The following CDH23 variants were observed in gnomAD, a reference collection of about 807,000 sequenced individuals.
The protein encoded by CDH23 is cadherin-23.
Under a neutral mutation model 317.1 loss-of-function variants are expected in CDH23, and 189 were observed. The ratio of observed to expected loss-of-function variants is 0.60; its 90% CI spans 0.53 to 0.67. The LOEUF is 0.67. Ranked by LOEUF, CDH23 falls within the 30% of genes least tolerant of loss-of-function variation. The pLI is 0.00. For synonymous variants in CDH23, 1,839 were observed against 1,876.8 expected, an observed-to-expected ratio of 0.98 and a Z score of 0.52; for missense variants, 4,401 against 4,592.4, an observed-to-expected ratio of 0.96 and a Z score of 1.20.
At chr10:71,493,303 G>C (rs1852770035) in intron 3 of CDH23, among the ~76,000 whole-genome samples, 1 of 152,138 alleles carries the variant, frequency 6.6e-6, no homozygotes, top group Non-Finnish European at 1.5e-5. Flanking sequence ...CCACCCATGA[G>C]GTGGTGACTT....
At chr10:71,469,216 C>T (rs1229532736) in intron 3 of CDH23, among the ~76,000 whole-genome samples, 1 of 152,210 alleles carries the variant, frequency 6.6e-6, no homozygotes, top group Non-Finnish European at 1.5e-5. Flanking sequence ...AGGCACACGC[C>T]CTTGAAACCA....
In CDH23 at chr10:71,815,176, T is replaced by C. The variant is rs1333646552; in HGVS notation, c.9963T>C (p.Thr3321=). ...AGACGCTGACCGCTGCCGAGGCCAC[T>C]GCCTTCGAGCGCAACGCCCGCACAG... ...SLETLTAAEA[T]AFERNARTES... Residue 3321 remains threonine, a synonymous_variant, in exon 70 of 70, where the codon ACT becomes ACC. Coordinates refer to ENST00000224721, the MANE Select transcript of CDH23 (RefSeq NM_022124.6). The C allele has an allele frequency of 1.2e-6, 2 of 1,611,214 alleles. No individual in the cohort carries two copies. The highest frequency in any genetic ancestry group is 2.2e-5 in the East Asian group (1 of 44,834).
At position 71,448,669 on chromosome 10, in the gene CDH23, C is replaced by T. The variant is rs72642230; in HGVS notation, c.145+2274C>T. Among the ~76,000 whole-genome samples, 1,758 of 152,314 alleles carry T rather than the reference C, an allele frequency of 0.012. 80 individuals are homozygous for T. In the East Asian group the frequency reaches 0.12, roughly 10 times the overall value. Reference sequence around the variant, plus strand: ...ACTGCACCTCTCTGGGCCTCTATCTCCTCATTTCAACAATGAGTGGGCATT... The same window carrying T: ...ACTGCACCTCTCTGGGCCTCTATCTTCTCATTTCAACAATGAGTGGGCATT... On this transcript the variant is annotated intron_variant, in intron 3 of 69. Transcript: ENST00000224721.
chr10:71,785,552 C>A, intron 43 of CDH23, 79 bp from the exon 44 acceptor site: 1 of 939,716 alleles, frequency 1.1e-6, no homozygotes, highest in Non-Finnish European at 1.7e-6. Flanking sequence ...GGAGGCCAAG[C>A]AGAGCAGTTG....
At chr10:71,456,181 C>T (rs2132047854) in intron 3 of CDH23, among the ~76,000 whole-genome samples, 1 of 149,756 alleles carries the variant, frequency 6.7e-6, no homozygotes, top group South Asian at 2.2e-4. Context: ...GGCAAGTGGG[C>T]TGTGGTTTTG....
At chr10:71,715,997 G>A (rs1866205484) in intron 28 of CDH23, 1 of 1,497,722 alleles carries the variant, frequency 6.7e-7, no homozygotes, top group South Asian at 1.3e-5. Flanking sequence ...GCCCGGCAGG[G>A]GCTGTCGAGG....
chr10:71,568,777 A>T (rs759916985), intron 7 of CDH23, among the ~76,000 whole-genome samples: 3 of 152,188 alleles, frequency 2.0e-5, no homozygotes, highest in Non-Finnish European at 4.4e-5. Flanking sequence ...AAATTGAGGC[A>T]TCCTCTGGGA....
Position 71,448,553 on chromosome 10 carries a change from T to G in CDH23, c.145+2158T>G, listed in dbSNP as rs185247433. Among the ~76,000 whole-genome samples the G allele has an allele frequency of 7.3e-4, 111 of 152,342 alleles. 2 individuals are homozygous for G. The highest frequency in any genetic ancestry group is 2.5e-3 in the African/African-American group (103 of 41,582). ...CTCAGCGCCCTCCCAGCCTCTTCTC[T>G]TCTTTTTGCATCAGTATGGGAACAG... On this transcript the variant is annotated intron_variant, in intron 3 of 69. Transcript: ENST00000224721.
rs369606279 is a variant in CDH23, at chr10:71,690,587, G to T, written c.2176+3G>T. On this transcript the variant is annotated splice_donor_region_variant and intron_variant, in intron 20 of 69. Coordinates refer to ENST00000224721, the MANE Select transcript of CDH23 (RefSeq NM_022124.6). ...GTTTCGGATCAATGCCCGCTCAGGT[G>T]AGCCCCCCCACCCCAAGTACCCTGG... 2 of 1,579,790 alleles carry T rather than the reference G, an allele frequency of 1.3e-6. No individual in the cohort carries two copies. The highest frequency in any genetic ancestry group is 3.5e-5 in the Admixed American group (2 of 56,820).
intron 6 of CDH23, among the ~76,000 whole-genome samples, chr10:71,555,325 C>A (rs974043154): frequency 2.0e-5 from 3 of 152,162 alleles, no homozygotes; most frequent in African/African-American, 7.2e-5. Context: ...TCACCACGGC[C>A]CTCCCTGTTC....
At chr10:71,675,047 T>C (rs1589320162) in intron 14 of CDH23, 65 bp from the exon 15 acceptor site, 1 of 1,454,232 alleles carries the variant, frequency 6.9e-7, no homozygotes, top group East Asian at 2.3e-5. Context: ...GGAACATGGG[T>C]TTCCTGTGGA....
chr10:71,754,581 C>T (rs1022187165), intron 38 of CDH23, among the ~76,000 whole-genome samples: 8 of 152,166 alleles, frequency 5.3e-5, no homozygotes, highest in African/African-American at 1.9e-4. Context: ...GTCACCTGGC[C>T]AGGGTGGGAG....
chr10:71,476,647 T>C (rs16928920), intron 3 of CDH23, among the ~76,000 whole-genome samples: 4,706 of 152,264 alleles, frequency 0.031, 260 homozygotes, highest in African/African-American at 0.11. Context: ...TTTGTACTTT[T>C]GATTTCAAGT....
intron 20 of CDH23, among the ~76,000 whole-genome samples, chr10:71,692,789 A>G (rs1454847938): frequency 6.6e-6 from 1 of 152,204 alleles, no homozygotes; most frequent in Admixed American, 6.5e-5. Flanking sequence ...AAGTTAAGCG[A>G]CTTGGCCCAG....
At chr10:71,404,858 C>G (rs1183747206) in intron 1 of CDH23, among the ~76,000 whole-genome samples, 2 of 152,214 alleles carry the variant, frequency 1.3e-5, no homozygotes, top group Non-Finnish European at 2.9e-5. Context: ...AGGCCATGCT[C>G]CATTTGGAGA....
At chr10:71,622,166 A>C (rs1861494127) in intron 11 of CDH23, among the ~76,000 whole-genome samples, 1 of 151,972 alleles carries the variant, frequency 6.6e-6, no homozygotes, top group Admixed American at 6.6e-5. Context: ...TGTTCTGGGG[A>C]GCCACGGTGA....
In CDH23 at chr10:71,644,012, G is replaced by A. The variant is rs1221382113; in HGVS notation, c.1140+146G>A. 5 of 643,808 alleles carry A rather than the reference G, an allele frequency of 7.8e-6. No individual in the cohort carries two copies. The Admixed American group carries it at 1.2e-4, about 16-fold the overall frequency. The allele number at this position is 643,808 out of a possible 1,614,324, so 39.9% of individuals were successfully genotyped here. A position where few individuals can be genotyped will look rare whatever the true frequency, so the allele number is the denominator to read the frequency against. ...CTGTGGTTGAGGGACCAAAGGTTCA[G>A]GGGAAGGAGAGGAGTTGGTGTCACC... On this transcript the variant is annotated intron_variant, in intron 12 of 69. Coordinates refer to ENST00000224721, the MANE Select transcript of CDH23 (RefSeq NM_022124.6).
At chr10:71,735,461 T>C (rs1589385450) in intron 34 of CDH23, among the ~76,000 whole-genome samples, 1 of 152,072 alleles carries the variant, frequency 6.6e-6, no homozygotes. Flanking sequence ...CAGGGCCAGC[T>C]ACCTGAGAGA....
chr10:71,592,898 A>G (rs1326261133), intron 9 of CDH23, among the ~76,000 whole-genome samples: 5 of 152,130 alleles, frequency 3.3e-5, no homozygotes, highest in African/African-American at 9.7e-5. Flanking sequence ...GCCGCTCTTG[A>G]AATGCCCTTT....
Sources: gnomAD v4.1 joint callset for allele counts (sites outside exome capture counted in the v4.1 genomes callset) on GRCh38, gnomAD v4.1.1 for gene constraint, MANE v1.5 for transcripts, NCBI Gene and HGNC (gene_info 2026-07-23, HGNC 2026-07-21) for gene names.